Variants in HDAC4 observed in about 807,000 individuals in gnomAD.
HDAC4 encodes histone deacetylase 4, also known as histone deacetylase A.
A neutral mutation model predicts 135.1 loss-of-function variants in HDAC4; 16 were observed. The observed-to-expected ratio is 0.12, with a 90% CI of 0.08 to 0.18. HDAC4 has a LOEUF of 0.18. Among genes scored for constraint, HDAC4 ranks in the 10% least tolerant of loss-of-function variants. The probability of loss-of-function intolerance (pLI) is 1.00; values close to 1 mark genes in which losing one functional copy is unlikely to be tolerated. For missense variants in HDAC4, 1,143 were observed against 1,511.8 expected, an observed-to-expected ratio of 0.76 and a Z score of 4.05; for synonymous variants, 685 against 653.4, an observed-to-expected ratio of 1.05 and a Z score of -0.74.
chr2:239,232,098 C>T (rs1485672488), intron 3 of HDAC4, among the ~76,000 whole-genome samples: 1 of 152,236 alleles, frequency 6.6e-6, no homozygotes, highest in Admixed American at 6.5e-5. Flanking sequence ...TGCTGAGCGC[C>T]TGCAAGGCCT....
chr2:239,385,169 C>T (rs1559400592), intron 1 of HDAC4, among the ~76,000 whole-genome samples: 1 of 152,180 alleles, frequency 6.6e-6, no homozygotes, highest in Non-Finnish European at 1.5e-5. Context: ...GACTGCTTTG[C>T]GTGGAGGCCC....
At chr2:239,140,739 G>A in intron 8 of HDAC4, 1 of 285,174 alleles carries the variant, frequency 3.5e-6, no homozygotes, top group Non-Finnish European at 7.3e-6. Context: ...TGGGGGCCCT[G>A]GAGGGGAGGT....
intron 3 of HDAC4, among the ~76,000 whole-genome samples, chr2:239,221,230 C>T (rs989619385): frequency 6.6e-6 from 1 of 152,170 alleles, no homozygotes; most frequent in Non-Finnish European, 1.5e-5. Context: ...GAGCGGACAT[C>T]GGCCCGTTCT....
intron 2 of HDAC4, among the ~76,000 whole-genome samples, chr2:239,274,555 C>G (rs1417380838): frequency 6.6e-6 from 1 of 152,226 alleles, no homozygotes; most frequent in African/African-American, 2.4e-5. Flanking sequence ...ACAGCTAATT[C>G]AACAACAATA....
chr2:239,391,045 C>T (rs1395434305), intron 1 of HDAC4, among the ~76,000 whole-genome samples: 2 of 152,216 alleles, frequency 1.3e-5, no homozygotes, highest in African/African-American at 2.4e-5. Context: ...TCAGACCGCT[C>T]GAGTCATCCT....
At chr2:239,214,180 C>T (rs2046495370) in intron 3 of HDAC4, among the ~76,000 whole-genome samples, 1 of 152,224 alleles carries the variant, frequency 6.6e-6, no homozygotes, top group Non-Finnish European at 1.5e-5. Flanking sequence ...TGTGCTTCTT[C>T]TGCAGGCTCC....
chr2:239,091,104 G>A (rs111388765), intron 17 of HDAC4: 4,597 of 152,386 alleles, frequency 0.03, 264 homozygotes, highest in African/African-American at 0.1. Flanking sequence ...ACACAAACAC[G>A]TCAACAATCC....
intron 6 of HDAC4, among the ~76,000 whole-genome samples, chr2:239,158,597 C>A (rs1363250206): frequency 6.6e-6 from 1 of 151,998 alleles, no homozygotes; most frequent in Non-Finnish European, 1.5e-5. Flanking sequence ...TGGGCCCTGC[C>A]CCCCAACTGC....
intron 2 of HDAC4, among the ~76,000 whole-genome samples, chr2:239,295,225 T>C (rs2051800725): frequency 7.3e-6 from 1 of 136,692 alleles, no homozygotes; most frequent in African/African-American, 2.8e-5. Flanking sequence ...GAGAATGGCG[T>C]GAACCCGGGA....
chr2:239,089,804 G>T, intron 18 of HDAC4: 2 of 579,668 alleles, frequency 3.5e-6, no homozygotes, highest in East Asian at 5.8e-5. Context: ...GAGAATCTCT[G>T]TACTATGCAC....
intron 2 of HDAC4, among the ~76,000 whole-genome samples, chr2:239,330,915 A>C (rs1353590102): frequency 6.6e-6 from 1 of 152,204 alleles, no homozygotes; most frequent in Non-Finnish European, 1.5e-5. Context: ...AGCCTTCTCC[A>C]TCCCAAAAAG....
intron 2 of HDAC4, among the ~76,000 whole-genome samples, chr2:239,249,090 CCT>C (rs2048631675): frequency 6.6e-6 from 1 of 152,166 alleles, no homozygotes; most frequent in South Asian, 2.1e-4. Context: ...CTGAGAGGGC[CCT>C]GTGAGGTGGT....
Position 239,167,727 on chromosome 2 carries a change from CTTTTT to C in HDAC4, c.491-3809_491-3805del, listed in dbSNP as rs76427189. ...CAGATCTCCCTAATTTTTACTTTTA[CTTTTT>C]TTTTTTTTTTCTTAATTCACATTGA... On this transcript the variant is annotated intron_variant, in intron 5 of 26. Coordinates refer to ENST00000543185, the MANE Select transcript of HDAC4 (RefSeq NM_001378414.1). This position sits in a 1 kb window ranked among gnomAD's most constrained non-coding sequence, Gnocchi z 4.1. Among the ~76,000 whole-genome samples, 12 of 144,168 alleles carry C rather than the reference CTTTTT, an allele frequency of 8.3e-5. No homozygotes were observed. The highest frequency in any genetic ancestry group is 2.8e-4 in the African/African-American group (11 of 39,496). 94.6% of individuals were successfully genotyped at this position (144,168 alleles called of 152,430 possible). A position where few individuals can be genotyped will look rare whatever the true frequency, so the allele number is the denominator to read the frequency against.
At chr2:239,265,342 T>C (rs563836984) in intron 2 of HDAC4, among the ~76,000 whole-genome samples, 1 of 152,354 alleles carries the variant, frequency 6.6e-6, no homozygotes, top group African/African-American at 2.4e-5. Context: ...CAGACTTTCG[T>C]ATCAGGAAGT....
intron 8 of HDAC4, among the ~76,000 whole-genome samples, chr2:239,142,567 T>C (rs1429534622): frequency 3.3e-5 from 5 of 152,252 alleles, no homozygotes; most frequent in Non-Finnish European, 5.9e-5. Flanking sequence ...CCTAGGTGCC[T>C]CGGCACGGGC....
chr2:239,368,873 G>A (rs377228828), intron 1 of HDAC4, among the ~76,000 whole-genome samples: 7 of 152,266 alleles, frequency 4.6e-5, no homozygotes, highest in African/African-American at 1.7e-4. Flanking sequence ...CAAAACTATC[G>A]ATGTCGGCAT....
chr2:239,224,979 G>T (rs1175260514), intron 3 of HDAC4, among the ~76,000 whole-genome samples: 1 of 152,136 alleles, frequency 6.6e-6, no homozygotes, highest in Admixed American at 6.5e-5. Flanking sequence ...CATAAAAATT[G>T]ACCACAAAGC....
At chr2:239,102,435 T>C (rs1394649593) in intron 16 of HDAC4, among the ~76,000 whole-genome samples, 1 of 152,174 alleles carries the variant, frequency 6.6e-6, no homozygotes, top group Non-Finnish European at 1.5e-5. Context: ...TGATGGGCCT[T>C]AAAGCGGAGC....
At chr2:239,290,486 T>C (rs190425512) in intron 2 of HDAC4, among the ~76,000 whole-genome samples, 3 of 152,244 alleles carry the variant, frequency 2.0e-5, no homozygotes, top group South Asian at 2.1e-4. Flanking sequence ...GAGTCTTCCA[T>C]ATCACCCCAA....
Sources: gnomAD v4.1 joint callset for allele counts (sites outside exome capture counted in the v4.1 genomes callset) on GRCh38, gnomAD v4.1.1 for gene constraint, Gnocchi (gnomAD v3.1) non-coding constraint, MANE v1.5 for transcripts, NCBI Gene and HGNC (gene_info 2026-07-23, HGNC 2026-07-21) for gene names.